The following VPS13B variants were observed in gnomAD, a reference collection of about 807,000 sequenced individuals.
The protein encoded by VPS13B is vacuolar protein sorting 13 homolog B.
Under a neutral mutation model 426.4 loss-of-function variants are expected in VPS13B, and 285 were observed. That is an observed-to-expected ratio of 0.67 (90% CI 0.61 to 0.74). The LOEUF (loss-of-function observed/expected upper bound fraction) is 0.74. Ranked by LOEUF, VPS13B falls within the 30% of genes least tolerant of loss-of-function variation. VPS13B has a pLI of 0.00. For missense variants in VPS13B, 4,537 were observed against 4,782.6 expected (o/e 0.95, Z 1.51); for synonymous variants, 1,676 against 1,676.4 (o/e 1.00, Z 0.01).
chr8:99,764,409 CTTTTTTTTTT>C (rs1009917177), intron 39 of VPS13B, among the ~76,000 whole-genome samples: 28 of 111,698 alleles, frequency 2.5e-4, no homozygotes, highest in African/African-American at 8.7e-4. Context: ...GAGAGAGATT[CTTTTTTTTTT>C]TTTTTTTTTT....
intron 56 of VPS13B, among the ~76,000 whole-genome samples, chr8:99,858,920 G>A (rs938506059): frequency 3.3e-5 from 5 of 152,210 alleles, no homozygotes; most frequent in South Asian, 2.1e-4. Flanking sequence ...TGGTGCCTCC[G>A]CTGTCCCGGG....
intron 42 of VPS13B, among the ~76,000 whole-genome samples, chr8:99,781,245 A>C (rs1463847326): frequency 6.6e-6 from 1 of 152,174 alleles, no homozygotes; most frequent in African/African-American, 2.4e-5. Flanking sequence ...TAAGGATCCA[A>C]AATGCCATTT....
At chr8:99,826,900 G>C (rs1322049709) in intron 51 of VPS13B, among the ~76,000 whole-genome samples, 1 of 151,878 alleles carries the variant, frequency 6.6e-6, no homozygotes. Context: ...TGAACCAGTC[G>C]TGCATCCCAG....
intron 15 of VPS13B, among the ~76,000 whole-genome samples, chr8:99,167,730 A>G (rs1019427580): frequency 1.3e-5 from 2 of 152,118 alleles, no homozygotes; most frequent in African/African-American, 4.8e-5. Context: ...GGATTTTTAA[A>G]AACAGGTGGC....
At chr8:99,054,022 A>G (rs1349369506) in intron 3 of VPS13B, among the ~76,000 whole-genome samples, 5 of 151,996 alleles carry the variant, frequency 3.3e-5, no homozygotes, top group Non-Finnish European at 7.4e-5. Context: ...CCTTTTTTCT[A>G]GGGCTGAATA....
rs60698750 is a variant in VPS13B, at chr8:99,250,664, CTTTTTTTTTTTTTTTTTTTTT to C, written c.2516-23516_2516-23496del. Among the ~76,000 whole-genome samples the C allele has an allele frequency of 7.5e-4, 27 of 35,806 alleles. 2 individuals carry two copies. The East Asian group carries it at 0.01, about 14-fold the overall frequency. The allele number at this position is 35,806 out of a possible 152,430, so 23.5% of individuals were successfully genotyped here. ...CTGTCCACTAATCCGTGTGTTTATT[CTTTTTTTTTTTTTTTTTTTTT>C]TTTTTTTTTTTTTTTTTGAGACAAG... On this transcript the variant is annotated intron_variant, in intron 17 of 61. Coordinates refer to ENST00000357162, the MANE Select transcript of VPS13B (RefSeq NM_152564.5).
At chr8:99,819,304 CA>C in intron 47 of VPS13B, 107 bp from the exon 48 acceptor site, 2 of 1,334,406 alleles carry the variant, frequency 1.5e-6, no homozygotes, top group Non-Finnish European at 2.1e-6. Context: ...CTCTATCTAC[CA>C]AAAAGGTGTT....
intron 3 of VPS13B, among the ~76,000 whole-genome samples, chr8:99,058,315 A>G (rs1468819780): frequency 6.6e-6 from 1 of 151,732 alleles, no homozygotes; most frequent in Non-Finnish European, 1.5e-5. Context: ...TTGTTTTAGA[A>G]AATATAGCTA....
At chr8:99,385,340 C>G (rs1814056269) in intron 20 of VPS13B, among the ~76,000 whole-genome samples, 1 of 152,096 alleles carries the variant, frequency 6.6e-6, no homozygotes, top group African/African-American at 2.4e-5. Context: ...TTGCAATATC[C>G]TATTTGGAAT....
In VPS13B at chr8:99,623,914, T is replaced by G. The variant is rs1234579038; in HGVS notation, c.5221-17897T>G. On this transcript the variant is annotated intron_variant, in intron 33 of 61. Coordinates refer to ENST00000357162, the MANE Select transcript of VPS13B (RefSeq NM_152564.5). Reference sequence around the variant, plus strand: ...TCATCATAAGAACATGCACTTGTTCTTTTGCAATAGTAATGTGAAAGGGGC... The same window carrying G: ...TCATCATAAGAACATGCACTTGTTCGTTTGCAATAGTAATGTGAAAGGGGC... Among the ~76,000 whole-genome samples the G allele has an allele frequency of 4.0e-5, 6 of 151,852 alleles. No individual in the cohort carries two copies. In the South Asian group the frequency reaches 1.3e-3, roughly 32 times the overall value.
intron 17 of VPS13B, among the ~76,000 whole-genome samples, chr8:99,196,666 T>G (rs1813952139): frequency 6.6e-6 from 1 of 152,090 alleles, no homozygotes; most frequent in South Asian, 2.1e-4. Context: ...CTTGAACTCC[T>G]TACCTCAAGT....
At position 99,871,684 on chromosome 8, in the gene VPS13B, C is replaced by T. The variant is rs978197543; in HGVS notation, c.11732C>T (p.Ala3911Val). 5.6e-6 allele frequency: 9 copies of T among 1,613,670 alleles called. No homozygotes were observed. The highest frequency in any genetic ancestry group is 6.8e-6 in the Non-Finnish European group (8 of 1,180,044). Residue 3911 changes from alanine to valine, a missense_variant, in exon 61 of 62, where the codon GCC becomes GTC. Around this residue, in one of 2 missense-constraint regions of VPS13B, gnomAD observed 4,311 missense variants for 4,474.3 expected, o/e 0.96. Coordinates refer to ENST00000357162, the MANE Select transcript of VPS13B (RefSeq NM_152564.5). The part of the protein sequence containing the change: ...LTVQLKQPRV[A>V]CDVEVDGVRE... Reference sequence around the variant, plus strand: ...GTGCAGCTCAAGCAGCCAAGAGTGGCCTGTGATGTGGAGGTACGTTTCAGA... The same window carrying T: ...GTGCAGCTCAAGCAGCCAAGAGTGGTCTGTGATGTGGAGGTACGTTTCAGA...
chr8:99,757,065 G>C (rs1433319086), intron 39 of VPS13B, among the ~76,000 whole-genome samples: 1 of 152,184 alleles, frequency 6.6e-6, no homozygotes, highest in East Asian at 1.9e-4. Flanking sequence ...TCAAAGGGTA[G>C]TTTCTTCTAC....
chr8:99,404,165 T>C (rs1815204328), intron 21 of VPS13B, among the ~76,000 whole-genome samples: 1 of 152,236 alleles, frequency 6.6e-6, no homozygotes, highest in Non-Finnish European at 1.5e-5. Flanking sequence ...ATTTGAACTG[T>C]AATGTCACTT....
intron 19 of VPS13B, among the ~76,000 whole-genome samples, chr8:99,378,851 G>T (rs976291254): frequency 3.3e-5 from 5 of 151,848 alleles, no homozygotes; most frequent in African/African-American, 1.2e-4. Flanking sequence ...ATAATTTATG[G>T]GTGTCACATA....
At chr8:99,772,590 C>T (rs1009790113) in intron 40 of VPS13B, among the ~76,000 whole-genome samples, 33 of 152,182 alleles carry the variant, frequency 2.2e-4, no homozygotes, top group African/African-American at 7.0e-4. Context: ...CTGAACTGTA[C>T]ACTTTAAAAT....
chr8:99,063,726 C>T (rs904105057), intron 3 of VPS13B, among the ~76,000 whole-genome samples: 2 of 152,170 alleles, frequency 1.3e-5, no homozygotes, highest in African/African-American at 4.8e-5. Flanking sequence ...GTGGTTTTCC[C>T]AGCATGGTGT....
At chr8:99,687,118 G>T (rs1219205014) in intron 35 of VPS13B, among the ~76,000 whole-genome samples, 1 of 152,008 alleles carries the variant, frequency 6.6e-6, no homozygotes, top group Non-Finnish European at 1.5e-5. Flanking sequence ...TCAAGGCACG[G>T]TTCCCTTCTG....
At chr8:99,125,751 A>G (rs748376084) in intron 8 of VPS13B, among the ~76,000 whole-genome samples, 5 of 152,176 alleles carry the variant, frequency 3.3e-5, no homozygotes, top group Admixed American at 6.5e-5. Flanking sequence ...TGAATTGTAT[A>G]TTGACAAGTG....
Sources: gnomAD v4.1 joint callset for allele counts (sites outside exome capture counted in the v4.1 genomes callset) on GRCh38, gnomAD v4.1.1 for gene constraint, gnomAD v4.1.1 regional missense constraint, MANE v1.5 for transcripts, NCBI Gene and HGNC (gene_info 2026-07-23, HGNC 2026-07-21) for gene names.